Variants in KHDRBS2 observed in about 807,000 individuals in gnomAD.
KHDRBS2 encodes the protein KH domain-containing, RNA-binding, signal transduction-associated protein 2.
A neutral mutation model predicts 44.3 loss-of-function variants in KHDRBS2; 26 were observed. The observed-to-expected ratio is 0.59, with a 90% CI of 0.43 to 0.81. The LOEUF is 0.81. Ranked by LOEUF, KHDRBS2 falls within the 40% of genes least tolerant of loss-of-function variation. The pLI, the probability that KHDRBS2 is intolerant of heterozygous loss-of-function variation, is 0.00. For synonymous variants in KHDRBS2, 194 were observed against 151.1 expected (o/e 1.28, Z -2.08); for missense variants, 476 against 433.1 (o/e 1.10, Z -0.88).
the KHDRBS2 span, among the ~76,000 whole-genome samples, chr6:61,544,932 AG>A: frequency 2.0e-5 from 3 of 152,012 alleles, no homozygotes; most frequent in Non-Finnish European, 4.4e-5. Context: ...GCCTGTTGTG[AG>A]GTGGAGGGAG....
Position 62,240,672 on chromosome 6 carries a change from G to GTGTATATA in KHDRBS2, c.91+45185_91+45186insTATATACA, listed in dbSNP as rs1252806819. 1.2e-3 allele frequency among the ~76,000 whole-genome samples: 77 copies of GTGTATATA among 64,142 alleles called. 1 individual carries two copies. The highest frequency in any genetic ancestry group is 1.4e-3 in the South Asian group (2 of 1,428). The allele number at this position is 64,142 out of a possible 152,430, so 42.1% of individuals were successfully genotyped here. On this transcript the variant is annotated intron_variant, in intron 1 of 8. Transcript: ENST00000281156. The stretch of plus-strand genomic sequence containing the variant: ...TGTATGTGTGTATGTATGTGTGTGT[G>GTGTATATA]TATATATATATATATATATATATAT...
At chr6:61,593,057 T>C in the KHDRBS2 span, among the ~76,000 whole-genome samples, 25,864 of 152,098 alleles carry the variant, frequency 0.17, 2,417 homozygotes, top group East Asian at 0.29. Context: ...TCTGGAGTAG[T>C]CTATAAAGTA....
chr6:62,246,035 A>T (rs1835485100), intron 1 of KHDRBS2, among the ~76,000 whole-genome samples: 1 of 149,894 alleles, frequency 6.7e-6, no homozygotes, highest in Non-Finnish European at 1.5e-5. Flanking sequence ...AGTAAAGGTG[A>T]CTTTCTGCTG....
chr6:61,834,220 TAAAG>T (rs1027288863), intron 6 of KHDRBS2, among the ~76,000 whole-genome samples: 47 of 152,092 alleles, frequency 3.1e-4, no homozygotes, highest in African/African-American at 1.1e-3. Context: ...ATTAATCAAA[TAAAG>T]AGAGCTATTT....
intron 1 of KHDRBS2, among the ~76,000 whole-genome samples, chr6:62,180,498 G>A (rs1163252079): frequency 6.6e-6 from 1 of 151,702 alleles, no homozygotes; most frequent in African/African-American, 2.4e-5. Flanking sequence ...GCTGGTTAAC[G>A]ACTTGTACGC....
intron 4 of KHDRBS2, among the ~76,000 whole-genome samples, chr6:61,931,928 A>G (rs1810130397): frequency 6.6e-6 from 1 of 152,108 alleles, no homozygotes; most frequent in Non-Finnish European, 1.5e-5. Flanking sequence ...TTTTATAATG[A>G]TCCATTTCCA....
chr6:62,197,923 A>T (rs1042379829), intron 1 of KHDRBS2, among the ~76,000 whole-genome samples: 13 of 152,198 alleles, frequency 8.5e-5, no homozygotes, highest in African/African-American at 3.1e-4. Context: ...ACAACTCAGC[A>T]TTAAGAAACT....
At chr6:61,602,336 G>A in the KHDRBS2 span, among the ~76,000 whole-genome samples, 1 of 152,164 alleles carries the variant, frequency 6.6e-6, no homozygotes, top group Non-Finnish European at 1.5e-5. Flanking sequence ...GCAGTGGCCA[G>A]GCATTCCTCC....
chr6:62,229,332 CTT>C (rs1832491674), intron 1 of KHDRBS2, among the ~76,000 whole-genome samples: 1 of 152,134 alleles, frequency 6.6e-6, no homozygotes, highest in South Asian at 2.1e-4. Context: ...ATAGATATCT[CTT>C]GGGACCAAGC....
intron 6 of KHDRBS2, among the ~76,000 whole-genome samples, chr6:61,845,253 G>A (rs1464339872): frequency 6.6e-6 from 1 of 151,100 alleles, no homozygotes; most frequent in Non-Finnish European, 1.5e-5. Context: ...AATACTCAGT[G>A]ATAGCAGAGG....
chr6:61,990,208 TAAG>T (rs1251160425), intron 3 of KHDRBS2, among the ~76,000 whole-genome samples: 28 of 152,292 alleles, frequency 1.8e-4, no homozygotes, highest in African/African-American at 5.3e-4. Flanking sequence ...TAGATTAAAT[TAAG>T]AAGAAGATAG....
intron 4 of KHDRBS2, among the ~76,000 whole-genome samples, chr6:61,954,994 A>ATATG (rs1444579913): frequency 7.0e-6 from 1 of 143,614 alleles, no homozygotes. Flanking sequence ...GTATACATAT[A>ATATG]TAGACATACA....
intron 4 of KHDRBS2, among the ~76,000 whole-genome samples, chr6:61,960,901 T>C (rs921157160): frequency 6.6e-6 from 1 of 152,106 alleles, no homozygotes; most frequent in Admixed American, 6.6e-5. Flanking sequence ...ACTGAGTGCA[T>C]GAAGCAGTTA....
intron 6 of KHDRBS2, among the ~76,000 whole-genome samples, chr6:61,737,596 G>A (rs1229615692): frequency 2.6e-5 from 4 of 151,980 alleles, no homozygotes; most frequent in African/African-American, 7.2e-5. Flanking sequence ...AAATCAGATC[G>A]TTTTCCTAAT....
intron 6 of KHDRBS2, among the ~76,000 whole-genome samples, chr6:61,873,634 G>A (rs73760125): frequency 6.0e-4 from 87 of 146,144 alleles, no homozygotes; most frequent in East Asian, 7.9e-4. Context: ...AGCAAAAAAA[G>A]AAAAAAAAAA....
chr6:61,655,413 C>T, the KHDRBS2 span, among the ~76,000 whole-genome samples: 1 of 151,958 alleles, frequency 6.6e-6, no homozygotes, highest in African/African-American at 2.4e-5. Context: ...GCCACCACAT[C>T]CAGCTAATTT....
chr6:61,606,050 C>T, the KHDRBS2 span, among the ~76,000 whole-genome samples: 2 of 152,152 alleles, frequency 1.3e-5, no homozygotes, highest in African/African-American at 2.4e-5. Context: ...TGCTCAAAAG[C>T]TCCCTGACTG....
intron 6 of KHDRBS2, among the ~76,000 whole-genome samples, chr6:61,876,885 C>T (rs1799482488): frequency 6.6e-6 from 1 of 151,934 alleles, no homozygotes; most frequent in Non-Finnish European, 1.5e-5. Flanking sequence ...GCCATCATTG[C>T]CGAAATATGT....
chr6:62,109,197 T>C (rs768962377), intron 2 of KHDRBS2, among the ~76,000 whole-genome samples: 1 of 151,548 alleles, frequency 6.6e-6, no homozygotes, highest in Non-Finnish European at 1.5e-5. Flanking sequence ...AAATAGGCAA[T>C]GTAACTCACC....
Sources: allele counts gnomAD v4.1 joint callset (sites outside exome capture counted in the v4.1 genomes callset), GRCh38; gene constraint gnomAD v4.1.1; transcripts MANE v1.5; gene names NCBI Gene and HGNC (gene_info 2026-07-23, HGNC 2026-07-21).